The following ARHGAP15 variants were observed in gnomAD, a reference collection of about 807,000 sequenced individuals.
ARHGAP15 encodes the protein rho GTPase-activating protein 15.
A neutral mutation model predicts 63.7 loss-of-function variants in ARHGAP15; 51 were observed. The observed-to-expected ratio is 0.80, with a 90% CI of 0.64 to 1.01. ARHGAP15 has a LOEUF of 1.01. Ranked by LOEUF, ARHGAP15 falls within the 50% of genes least tolerant of loss-of-function variation. ARHGAP15 has a pLI of 0.00. For synonymous variants in ARHGAP15, 191 were observed against 193.8 expected (o/e 0.99, Z 0.12); for missense variants, 560 against 564.6 (o/e 0.99, Z 0.08).
At chr2:143,472,524 CTTAAT>C (rs749888750) in intron 8 of ARHGAP15, among the ~76,000 whole-genome samples, 6 of 152,102 alleles carry the variant, frequency 3.9e-5, no homozygotes, top group Non-Finnish European at 1.5e-5. Context: ...TTAATATAAG[CTTAAT>C]TTAATTTTAT....
intron 6 of ARHGAP15, among the ~76,000 whole-genome samples, chr2:143,330,646 A>C (rs1684509037): frequency 6.6e-6 from 1 of 152,188 alleles, no homozygotes; most frequent in Non-Finnish European, 1.5e-5. Context: ...ATTTCAACAT[A>C]TTACCCAAAT....
chr2:143,397,341 TG>T (rs1558943970), intron 6 of ARHGAP15, among the ~76,000 whole-genome samples: 1 of 148,666 alleles, frequency 6.7e-6, no homozygotes, highest in Non-Finnish European at 1.5e-5. Context: ...TGTGTGTGTG[TG>T]TGTGTATATA....
At chr2:143,565,264 T>C (rs1451774378) in intron 11 of ARHGAP15, among the ~76,000 whole-genome samples, 1 of 152,128 alleles carries the variant, frequency 6.6e-6, no homozygotes, top group African/African-American at 2.4e-5. Flanking sequence ...CTTATTCTCA[T>C]TATAGTACTA....
intron 10 of ARHGAP15, among the ~76,000 whole-genome samples, chr2:143,541,893 C>G (rs562748014): frequency 4.1e-4 from 62 of 152,358 alleles, no homozygotes; most frequent in African/African-American, 1.5e-3. Flanking sequence ...AACCACTACT[C>G]TCTTCACAGC....
At chr2:143,283,516 T>C (rs943219615) in intron 6 of ARHGAP15, among the ~76,000 whole-genome samples, 1 of 152,218 alleles carries the variant, frequency 6.6e-6, no homozygotes, top group African/African-American at 2.4e-5. Flanking sequence ...AAAAATATTT[T>C]TGGTGTTCTG....
chr2:143,403,925 A>AT lies in ARHGAP15; in HGVS notation c.475-31664dup, dbSNP rs34799259. On this transcript the variant is annotated intron_variant, in intron 6 of 13. Coordinates refer to ENST00000295095, the MANE Select transcript of ARHGAP15 (RefSeq NM_018460.4). ...GCTGCACACTTGGTACCAGGATGTA[A>AT]TTTTTTTTTTTTAAAGAAAAGGAAG... 3.1e-4 allele frequency among the ~76,000 whole-genome samples: 46 copies of AT among 149,466 alleles called. 1 individual carries two copies. The highest frequency in any genetic ancestry group is 7.9e-4 in the East Asian group (4 of 5,070).
chr2:143,549,711 A>G (rs1695475969), intron 10 of ARHGAP15, among the ~76,000 whole-genome samples: 1 of 152,196 alleles, frequency 6.6e-6, no homozygotes, highest in Admixed American at 6.6e-5. Context: ...GACAGTGGAG[A>G]AGAAAGTGTC....
intron 5 of ARHGAP15, chr2:143,238,136 C>A (rs1693725341): frequency 6.6e-6 from 1 of 152,020 alleles, no homozygotes; most frequent in South Asian, 2.1e-4. Context: ...TAGGCACAGA[C>A]AAAGATTTTA....
At chr2:143,225,154 A>C (rs898281690) in intron 4 of ARHGAP15, among the ~76,000 whole-genome samples, 2 of 152,190 alleles carry the variant, frequency 1.3e-5, no homozygotes, top group African/African-American at 4.8e-5. Flanking sequence ...ATTTTTGGAC[A>C]CGGAATGGTG....
At chr2:143,549,055 C>T (rs930869125) in intron 10 of ARHGAP15, among the ~76,000 whole-genome samples, 2 of 152,098 alleles carry the variant, frequency 1.3e-5, no homozygotes, top group Non-Finnish European at 2.9e-5. Flanking sequence ...ATACTTCCAA[C>T]ATTAGAATTG....
At chr2:143,761,648 G>A (rs951739597) in intron 13 of ARHGAP15, among the ~76,000 whole-genome samples, 2 of 152,148 alleles carry the variant, frequency 1.3e-5, no homozygotes, top group Non-Finnish European at 2.9e-5. Context: ...GTGATTTTAT[G>A]TGACTAAGAA....
intron 6 of ARHGAP15, among the ~76,000 whole-genome samples, chr2:143,284,000 A>T (rs1681976958): frequency 6.6e-6 from 1 of 152,034 alleles, no homozygotes; most frequent in Non-Finnish European, 1.5e-5. Context: ...TTCACTGGAC[A>T]TTTCTACTTT....
intron 6 of ARHGAP15, among the ~76,000 whole-genome samples, chr2:143,428,565 G>A (rs1689231750): frequency 6.6e-6 from 1 of 151,964 alleles, no homozygotes. Flanking sequence ...CATGAGAGAT[G>A]ATGGTAGTAT....
chr2:143,727,884 T>A (rs534547315), intron 13 of ARHGAP15, among the ~76,000 whole-genome samples: 53 of 152,386 alleles, frequency 3.5e-4, no homozygotes, highest in Admixed American at 9.1e-4. Flanking sequence ...AACATATTCA[T>A]AATTTGACAC....
chr2:143,473,479 T>C (rs959198072), intron 8 of ARHGAP15, among the ~76,000 whole-genome samples: 4 of 152,168 alleles, frequency 2.6e-5, no homozygotes, highest in Non-Finnish European at 5.9e-5. Context: ...CCAGAATATT[T>C]CTCTTTTACT....
intron 10 of ARHGAP15, among the ~76,000 whole-genome samples, chr2:143,540,151 T>C (rs1694977927): frequency 6.6e-6 from 1 of 152,194 alleles, no homozygotes; most frequent in Non-Finnish European, 1.5e-5. Flanking sequence ...TCTTTGTCTC[T>C]TTTGATCTTT....
intron 11 of ARHGAP15, among the ~76,000 whole-genome samples, chr2:143,558,212 A>G (rs1473010838): frequency 6.6e-6 from 1 of 152,106 alleles, no homozygotes; most frequent in African/African-American, 2.4e-5. Context: ...GTACTCCCAC[A>G]TTTACATACT....
At chr2:143,497,748 T>C (rs1234031649) in intron 9 of ARHGAP15, among the ~76,000 whole-genome samples, 8 of 152,198 alleles carry the variant, frequency 5.3e-5, no homozygotes, top group Non-Finnish European at 1.2e-4. Context: ...CAGAATTTCA[T>C]TCTGACCTGG....
At chr2:143,307,683 A>C (rs189491948) in intron 6 of ARHGAP15, among the ~76,000 whole-genome samples, 1 of 152,286 alleles carries the variant, frequency 6.6e-6, no homozygotes, top group East Asian at 1.9e-4. Flanking sequence ...AACGAAAAAA[A>C]ATTTCAAATA....
Sources: gnomAD v4.1 joint callset for allele counts (sites outside exome capture counted in the v4.1 genomes callset) on GRCh38, gnomAD v4.1.1 for gene constraint, MANE v1.5 for transcripts, NCBI Gene and HGNC (gene_info 2026-07-23, HGNC 2026-07-21) for gene names.